The following GDA variants were observed in gnomAD, a reference collection of about 807,000 sequenced individuals.
The protein encoded by GDA is cytoplasmic PSD-95 interactor.
GDA carries 18 observed loss-of-function variants against 59.6 expected under a neutral mutation model. The ratio of observed to expected loss-of-function variants is 0.30; its 90% confidence interval spans 0.21 to 0.45. The LOEUF is 0.45. Ranked by LOEUF, GDA falls within the 20% of genes least tolerant of loss-of-function variation. The probability of loss-of-function intolerance (pLI) is 1.00; values close to 1 mark genes in which losing one functional copy is unlikely to be tolerated. For synonymous variants in GDA, 201 were observed against 201.1 expected (o/e 1.00, Z 0.00); for missense variants, 427 against 552.3 (o/e 0.77, Z 2.27).
chr9:72,147,352 C>G (rs1173190811), upstream of GDA, among the ~76,000 whole-genome samples: 1 of 152,178 alleles, frequency 6.6e-6, no homozygotes, highest in Non-Finnish European at 1.5e-5. Context: ...GGACTACAGG[C>G]ACGCATCACC....
At chr9:72,244,837 T>C (rs1206708705) in intron 11 of GDA, among the ~76,000 whole-genome samples, 1 of 151,992 alleles carries the variant, frequency 6.6e-6, no homozygotes, top group African/African-American at 2.4e-5. Flanking sequence ...GAGGGATAAA[T>C]GAAAAGCATA....
At chr9:72,193,983 A>G (rs1369714665) in intron 1 of GDA, 2 of 152,262 alleles carry the variant, frequency 1.3e-5, no homozygotes, top group Non-Finnish European at 2.9e-5. Flanking sequence ...AAGCCCAAGG[A>G]TTCTTAGTCA....
At chr9:72,191,616 G>A (rs11143158) in intron 1 of GDA, among the ~76,000 whole-genome samples, 39,064 of 151,454 alleles carry the variant, frequency 0.26, 5,512 homozygotes, top group East Asian at 0.56. Context: ...GATTCTTTTC[G>A]CTTTTGTTGC....
chr9:72,235,762 A>C (rs972313989), intron 10 of GDA, among the ~76,000 whole-genome samples: 2 of 152,192 alleles, frequency 1.3e-5, no homozygotes, highest in African/African-American at 2.4e-5. Flanking sequence ...TTCAGTATAA[A>C]AATATTAGAG....
intron 1 of GDA, among the ~76,000 whole-genome samples, chr9:72,157,437 T>G (rs1393461372): frequency 6.6e-6 from 1 of 152,254 alleles, no homozygotes; most frequent in Non-Finnish European, 1.5e-5. Context: ...ATTACTACAC[T>G]GCTTTTCAAT....
At chr9:72,213,333 G>C (rs545230967) in intron 4 of GDA, among the ~76,000 whole-genome samples, 1 of 152,130 alleles carries the variant, frequency 6.6e-6, no homozygotes, top group African/African-American at 2.4e-5. Context: ...AATGGGGATG[G>C]GGGAGGTAGT....
Position 72,249,811 on chromosome 9 carries a change from T to C in GDA, c.*1469T>C. ...ACCTTATAGTAGAAACTTTATGTAA[T>C]ATAGCTAACTCCGTATTTACAGAAC... On this transcript the variant is annotated 3_prime_UTR_variant, in exon 14 of 14. Transcript: ENST00000358399. 1.1e-6 allele frequency: 1 copy of C among 887,866 alleles called. No individual in the cohort carries two copies. Among genetic ancestry groups the C allele is most frequent in the Non-Finnish European group, 1.3e-6 (1 of 740,926 alleles). 55.0% of individuals were successfully genotyped at this position (887,866 alleles called of 1,614,324 possible).
At chr9:72,248,162 T>C in intron 13 of GDA, 110 bp from the exon 14 acceptor site, 1 of 766,066 alleles carries the variant, frequency 1.3e-6, no homozygotes, top group South Asian at 1.5e-5. Flanking sequence ...AAGCAGCTTT[T>C]AGTATTTCCT....
At chr9:72,230,827 T>C (rs1838249923) in intron 9 of GDA, among the ~76,000 whole-genome samples, 1 of 152,188 alleles carries the variant, frequency 6.6e-6, no homozygotes, top group Non-Finnish European at 1.5e-5. Context: ...ATTGCAAAGT[T>C]TGATTTCTTC....
intron 1 of GDA, among the ~76,000 whole-genome samples, chr9:72,157,638 G>C (rs1828079820): frequency 6.6e-6 from 1 of 152,038 alleles, no homozygotes; most frequent in Admixed American, 6.6e-5. Flanking sequence ...ACCCTTAACT[G>C]TTTTCTCTCA....
At chr9:72,175,974 C>G (rs564796434) in intron 1 of GDA, among the ~76,000 whole-genome samples, 3 of 152,084 alleles carry the variant, frequency 2.0e-5, no homozygotes, top group Non-Finnish European at 4.4e-5. Flanking sequence ...ACAAATTACC[C>G]CAAAACTTAG....
chr9:72,207,661 G>A (rs1335193256), intron 3 of GDA, among the ~76,000 whole-genome samples: 1 of 152,178 alleles, frequency 6.6e-6, no homozygotes, highest in Non-Finnish European at 1.5e-5. Flanking sequence ...ATCCTTGTCT[G>A]TAATTGACAG....
intron 1 of GDA, among the ~76,000 whole-genome samples, chr9:72,124,801 G>A (rs111442968): frequency 1.2e-3 from 190 of 152,140 alleles, no homozygotes; most frequent in African/African-American, 4.4e-3. Flanking sequence ...GTAGAGATGG[G>A]GTTTCACCAT....
At chr9:72,144,718 A>T (rs1292844094), upstream of GDA, among the ~76,000 whole-genome samples, 2 of 152,162 alleles carry the variant, frequency 1.3e-5, no homozygotes, top group Non-Finnish European at 2.9e-5. Context: ...CAGATAAAGT[A>T]GTTTTGGGGG....
intron 10 of GDA, among the ~76,000 whole-genome samples, chr9:72,236,924 C>T (rs971173467): frequency 1.8e-4 from 27 of 152,016 alleles, no homozygotes; most frequent in African/African-American, 6.3e-4. Flanking sequence ...AGATTACAGG[C>T]GTGCACCACC....
chr9:72,155,861 G>A (rs1827825686), intron 1 of GDA, among the ~76,000 whole-genome samples: 1 of 152,138 alleles, frequency 6.6e-6, no homozygotes, highest in South Asian at 2.1e-4. Context: ...ATTTGATCAA[G>A]TTCCTTACCA....
chr9:72,183,405 C>A (rs1271833941), intron 1 of GDA, among the ~76,000 whole-genome samples: 1 of 152,092 alleles, frequency 6.6e-6, no homozygotes, highest in Non-Finnish European at 1.5e-5. Flanking sequence ...TTAGCCCCAA[C>A]TACCTCTGCA....
At chr9:72,214,090 C>T in intron 5 of GDA, 99 bp downstream of exon 5, 1 of 716,450 alleles carries the variant, frequency 1.4e-6, no homozygotes, top group Non-Finnish European at 2.5e-6. Context: ...CTGTTATCAC[C>T]CAGTTGGGAT....
intron 1 of GDA, among the ~76,000 whole-genome samples, chr9:72,194,770 T>C (rs1832950218): frequency 6.6e-6 from 1 of 152,230 alleles, no homozygotes; most frequent in Non-Finnish European, 1.5e-5. Flanking sequence ...TAGCCCACTG[T>C]AGTCTGTGGC....
Sources: allele counts gnomAD v4.1 joint callset (sites outside exome capture counted in the v4.1 genomes callset), GRCh38; gene constraint gnomAD v4.1.1; transcripts MANE v1.5; gene names NCBI Gene and HGNC (gene_info 2026-07-23, HGNC 2026-07-21).